TRERF1: variants seen among roughly 807,000 people sequenced by gnomAD.
The protein encoded by TRERF1 is transcriptional-regulating factor 1.
A neutral mutation model predicts 122.9 loss-of-function variants in TRERF1; 27 were observed. That is an observed-to-expected ratio of 0.22 (90% CI 0.16 to 0.30). The LOEUF (loss-of-function observed/expected upper bound fraction) is 0.30, where lower values mean the gene tolerates loss of function less well. Among genes scored for constraint, TRERF1 ranks in the 10% least tolerant of loss-of-function variants. The pLI, the probability that TRERF1 is intolerant of heterozygous loss-of-function variation, is 1.00. For missense variants in TRERF1, 1,248 were observed against 1,560.3 expected (o/e 0.80, Z 3.37); for synonymous variants, 636 against 641.7 (o/e 0.99, Z 0.13).
At chr6:42,374,687 G>A (rs116319354) in intron 2 of TRERF1, among the ~76,000 whole-genome samples, 1 of 152,224 alleles carries the variant, frequency 6.6e-6, no homozygotes, top group African/African-American at 2.4e-5. Context: ...CTCCTCAGAG[G>A]TAGAAATGTG....
At chr6:42,399,427 C>T (rs987397733) in intron 2 of TRERF1, among the ~76,000 whole-genome samples, 5 of 152,042 alleles carry the variant, frequency 3.3e-5, no homozygotes, top group African/African-American at 1.2e-4. Context: ...GACTACCAAG[C>T]GAGGGACCTG....
intron 8 of TRERF1, among the ~76,000 whole-genome samples, chr6:42,262,612 A>AGAGAGAGAGAGAGAGAGAGAAAGAG (rs1169414320): frequency 8.6e-6 from 1 of 116,220 alleles, no homozygotes; most frequent in Non-Finnish European, 1.8e-5. Flanking sequence ...AGACAGACGG[A>AGAGAGAGAGAGAGAGAGAGAAAGAG]AACCCTTCCC....
At chr6:42,397,364 C>G (rs1360581141) in intron 2 of TRERF1, among the ~76,000 whole-genome samples, 1 of 152,108 alleles carries the variant, frequency 6.6e-6, no homozygotes, top group Non-Finnish European at 1.5e-5. Flanking sequence ...CAGGCACCGT[C>G]GGGATGTACT....
At chr6:42,246,043 G>A (rs1172246564) in intron 14 of TRERF1, among the ~76,000 whole-genome samples, 1 of 152,214 alleles carries the variant, frequency 6.6e-6, no homozygotes, top group Non-Finnish European at 1.5e-5. Flanking sequence ...GGGAGGTGGA[G>A]GCTGCAGTGA....
At position 42,393,998 on chromosome 6, in the gene TRERF1, T is replaced by C. The variant is rs1562125930; in HGVS notation, c.-453-30919A>G. ...TCCAGAAAGATGGATGTTTTTATTT[T>C]CTTCTCTATGATTTCCTATATGTTC... On this transcript the variant is annotated intron_variant, in intron 2 of 17. Coordinates refer to ENST00000372922, the Ensembl canonical transcript of TRERF1. This position sits in a 1 kb window ranked among gnomAD's most constrained non-coding sequence, Gnocchi z 4.1. Among the ~76,000 whole-genome samples, 1 of 152,194 alleles carries C rather than the reference T, an allele frequency of 6.6e-6. No homozygotes were observed. Among genetic ancestry groups the C allele is most frequent in the African/African-American group, 2.4e-5 (1 of 41,444 alleles).
At chr6:42,380,887 C>G (rs1775799023) in intron 2 of TRERF1, among the ~76,000 whole-genome samples, 1 of 152,220 alleles carries the variant, frequency 6.6e-6, no homozygotes, top group African/African-American at 2.4e-5. Flanking sequence ...CCACACTCTC[C>G]CTCCTGCCTC....
At chr6:42,322,272 G>C (rs1382737373) in intron 3 of TRERF1, among the ~76,000 whole-genome samples, 1 of 152,134 alleles carries the variant, frequency 6.6e-6, no homozygotes, top group African/African-American at 2.4e-5. Context: ...TATCATAACA[G>C]AAAGTCAACA....
chr6:42,403,630 A>G (rs146966104), intron 2 of TRERF1, among the ~76,000 whole-genome samples: 332 of 152,284 alleles, frequency 2.2e-3, no homozygotes, highest in African/African-American at 7.6e-3. Context: ...GTCATCCGGT[A>G]TGTAGTACTT....
intron 2 of TRERF1, among the ~76,000 whole-genome samples, chr6:42,450,942 T>A (rs1476464540): frequency 1.3e-5 from 2 of 151,914 alleles, no homozygotes; most frequent in Non-Finnish European, 1.5e-5. Context: ...TAAGCCAGGG[T>A]TGCCAATTAT....
intron 2 of TRERF1, among the ~76,000 whole-genome samples, chr6:42,370,118 G>C (rs945298888): frequency 6.6e-5 from 10 of 152,042 alleles, no homozygotes; most frequent in Non-Finnish European, 1.3e-4. Context: ...GGGGGTAAAG[G>C]ATGGATGCAG....
At chr6:42,387,344 G>A (rs1274869421) in intron 2 of TRERF1, among the ~76,000 whole-genome samples, 1 of 152,228 alleles carries the variant, frequency 6.6e-6, no homozygotes. Context: ...GTCCAAGCCT[G>A]CCTAAGGGCC....
At position 42,332,465 on chromosome 6, in the gene TRERF1, C is replaced by T. The variant is rs1765415666; in HGVS notation, c.-371+30532G>A. ...GAGGTGAAGCTGGGGGCAATGCCAACTCACCTCCCTGGGGTGCAAGCAACA... is the reference window on the plus strand; with the variant it reads ...GAGGTGAAGCTGGGGGCAATGCCAATTCACCTCCCTGGGGTGCAAGCAACA... On this transcript the variant is annotated intron_variant, in intron 3 of 17. Coordinates refer to ENST00000372922, the Ensembl canonical transcript of TRERF1. 1.3e-5 allele frequency among the ~76,000 whole-genome samples: 2 copies of T among 152,224 alleles called. 1 individual carries two copies. Among genetic ancestry groups the T allele is most frequent in the South Asian group, 4.1e-4 (2 of 4,834 alleles).
At chr6:42,349,187 G>A (rs1356295307) in intron 3 of TRERF1, among the ~76,000 whole-genome samples, 1 of 152,026 alleles carries the variant, frequency 6.6e-6, no homozygotes, top group Non-Finnish European at 1.5e-5. Context: ...GACAGTAACT[G>A]TTTCAGGGGA....
intron 13 of TRERF1, among the ~76,000 whole-genome samples, chr6:42,248,840 G>A (rs1164013084): frequency 2.6e-5 from 4 of 152,102 alleles, no homozygotes; most frequent in African/African-American, 4.8e-5. Flanking sequence ...CAGGGGGTTG[G>A]TGGGATTTGA....
chr6:42,312,724 G>T (rs538173225), intron 3 of TRERF1, among the ~76,000 whole-genome samples: 100 of 152,310 alleles, frequency 6.6e-4, no homozygotes, highest in African/African-American at 2.3e-3. Flanking sequence ...ATGGAAAGGG[G>T]CTTCCCTTTC....
At chr6:42,251,760 T>C (rs145825409) in intron 13 of TRERF1, among the ~76,000 whole-genome samples, 148 of 152,272 alleles carry the variant, frequency 9.7e-4, no homozygotes, top group African/African-American at 3.5e-3. Flanking sequence ...GGAATGAGTA[T>C]TTCCTCCAGG....
At chr6:42,319,704 T>C (rs1006601939) in intron 3 of TRERF1, among the ~76,000 whole-genome samples, 1 of 151,012 alleles carries the variant, frequency 6.6e-6, no homozygotes, top group African/African-American at 2.4e-5. Context: ...GTGCCTGTGG[T>C]CCCAGCTACC....
chr6:42,280,870 A>G (rs538855360), intron 4 of TRERF1, among the ~76,000 whole-genome samples: 7 of 152,322 alleles, frequency 4.6e-5, no homozygotes, highest in Admixed American at 3.9e-4. Context: ...TCCAAATCAC[A>G]GCATGCCACG....
chr6:42,357,228 C>T (rs1770737715), intron 3 of TRERF1, among the ~76,000 whole-genome samples: 2 of 149,358 alleles, frequency 1.3e-5, no homozygotes, highest in Non-Finnish European at 3.0e-5. Flanking sequence ...ACTCAGGAGG[C>T]TGAGGCAGGA....
Sources: allele counts gnomAD v4.1 joint callset (sites outside exome capture counted in the v4.1 genomes callset), GRCh38; gene constraint gnomAD v4.1.1; non-coding constraint Gnocchi (gnomAD v3.1); transcripts MANE v1.5; gene names NCBI Gene and HGNC (gene_info 2026-07-23, HGNC 2026-07-21).